The following DLGAP2 variants were observed in gnomAD, a reference collection of about 807,000 sequenced individuals.
DLGAP2 encodes DLG associated protein 2.
DLGAP2 carries 26 observed loss-of-function variants against 100.3 expected under a neutral mutation model. The ratio of observed to expected loss-of-function variants is 0.26; its 90% CI spans 0.19 to 0.36. DLGAP2 has a LOEUF of 0.36. DLGAP2 is among the 10% of genes least tolerant of loss of function. DLGAP2 has a pLI of 1.00. For missense variants in DLGAP2, 1,858 were observed against 1,453.2 expected (o/e 1.28, Z -4.53); for synonymous variants, 886 against 630.1 (o/e 1.41, Z -6.08).
At chr8:1,106,446 G>T (rs1399685263) in intron 2 of DLGAP2, among the ~76,000 whole-genome samples, 7 of 149,948 alleles carry the variant, frequency 4.7e-5, no homozygotes, top group Admixed American at 4.6e-4. Context: ...TCTACTGAAG[G>T]AGGCCATTCA....
chr8:1,237,177 A>G lies in DLGAP2; in HGVS notation c.74-21674A>G, dbSNP rs1239743305. Among the ~76,000 whole-genome samples the G allele has an allele frequency of 8.3e-5, 11 of 132,906 alleles. 1 individual carries two copies. Among genetic ancestry groups the G allele is most frequent in the African/African-American group, 2.2e-4 (7 of 32,226 alleles). 87.2% of individuals were successfully genotyped at this position (132,906 alleles called of 152,430 possible). On this transcript the variant is annotated intron_variant, in intron 2 of 14. Transcript: ENST00000637795. ...ATGGCGCCGTGTCTAGTTCTCTCAC[A>G]TGGCGCCGTGTGTAGTTCTCTCACG...
intron 3 of DLGAP2, among the ~76,000 whole-genome samples, chr8:1,294,892 T>TA (rs1260411264): frequency 1.3e-5 from 2 of 151,818 alleles, no homozygotes; most frequent in East Asian, 3.9e-4. Context: ...ACAAAACTTT[T>TA]TTTTTTAAGT....
At chr8:1,040,615 C>T (rs1368202648) in intron 2 of DLGAP2, among the ~76,000 whole-genome samples, 5 of 141,574 alleles carry the variant, frequency 3.5e-5, no homozygotes, top group Middle Eastern at 3.5e-3. Context: ...GCTCGGTGTG[C>T]GTGGTCGGCT....
intron 4 of DLGAP2, among the ~76,000 whole-genome samples, chr8:1,525,166 C>T (rs995420727): frequency 3.4e-5 from 5 of 148,098 alleles, no homozygotes; most frequent in East Asian, 2.0e-4. Flanking sequence ...AGCAATTCAC[C>T]GGTGTGTCTC....
chr8:873,545 TTCTC>T (rs1237602731), intron 1 of DLGAP2, among the ~76,000 whole-genome samples: 5 of 152,206 alleles, frequency 3.3e-5, no homozygotes, highest in Admixed American at 6.5e-5. Context: ...TACTTTATAA[TTCTC>T]TATATATAAT....
intron 2 of DLGAP2, among the ~76,000 whole-genome samples, chr8:1,132,547 A>G (rs1796315821): frequency 1.3e-5 from 2 of 152,240 alleles, no homozygotes; most frequent in African/African-American, 4.8e-5. Flanking sequence ...TGTAGCATAT[A>G]TGTGTACACC....
intron 6 of DLGAP2, among the ~76,000 whole-genome samples, chr8:1,582,894 G>A (rs1452754260): frequency 6.6e-6 from 1 of 152,150 alleles, no homozygotes; most frequent in East Asian, 1.9e-4. Context: ...TCTGAAAGAA[G>A]AGGGCAGCAG....
intron 3 of DLGAP2, among the ~76,000 whole-genome samples, chr8:1,370,287 C>T (rs372546192): frequency 2.6e-5 from 4 of 152,030 alleles, no homozygotes; most frequent in Admixed American, 1.3e-4. Context: ...AGCAGTTCCC[C>T]GAAGGTCGGC....
intron 2 of DLGAP2, among the ~76,000 whole-genome samples, chr8:1,131,797 T>C (rs983997111): frequency 1.3e-5 from 2 of 152,236 alleles, no homozygotes; most frequent in African/African-American, 4.8e-5. Flanking sequence ...CCAGAATATC[T>C]TTTGAATTCT....
intron 2 of DLGAP2, among the ~76,000 whole-genome samples, chr8:1,162,052 C>T (rs1796902292): frequency 6.6e-6 from 1 of 152,188 alleles, no homozygotes; most frequent in Non-Finnish European, 1.5e-5. Context: ...GAGCCCGGAG[C>T]CTGCGTTTGC....
chr8:1,640,531 A>G (rs995313113), intron 8 of DLGAP2, among the ~76,000 whole-genome samples: 1 of 152,166 alleles, frequency 6.6e-6, no homozygotes, highest in Non-Finnish European at 1.5e-5. Flanking sequence ...CATGATCCCC[A>G]TTAGAACGTC....
intron 3 of DLGAP2, among the ~76,000 whole-genome samples, chr8:1,387,935 G>C (rs886367339): frequency 3.9e-5 from 6 of 152,232 alleles, no homozygotes; most frequent in Non-Finnish European, 8.8e-5. Context: ...CCACAGTTAG[G>C]GTTACGGGTG....
chr8:1,066,521 C>G (rs1427350892), intron 2 of DLGAP2, among the ~76,000 whole-genome samples: 1 of 149,202 alleles, frequency 6.7e-6, no homozygotes, highest in African/African-American at 2.5e-5. Flanking sequence ...AGTTCCCCAC[C>G]ACGGTCAGGT....
intron 1 of DLGAP2, among the ~76,000 whole-genome samples, chr8:783,693 C>G (rs967960630): frequency 1.3e-5 from 2 of 152,112 alleles, no homozygotes; most frequent in African/African-American, 2.4e-5. Flanking sequence ...TCTTTGCCTA[C>G]TGTGTTCTCA....
chr8:971,628 C>T (rs1253121234), intron 2 of DLGAP2, among the ~76,000 whole-genome samples: 2 of 152,196 alleles, frequency 1.3e-5, no homozygotes, highest in Non-Finnish European at 2.9e-5. Flanking sequence ...CTAGGAGCCA[C>T]ACCAGGTTGC....
chr8:1,202,854 T>C (rs1364863740), intron 2 of DLGAP2, among the ~76,000 whole-genome samples: 5 of 152,212 alleles, frequency 3.3e-5, no homozygotes, highest in Non-Finnish European at 7.3e-5. Context: ...AGCCATGTCT[T>C]GTCTGAGCTG....
intron 2 of DLGAP2, among the ~76,000 whole-genome samples, chr8:1,135,647 G>A (rs183704610): frequency 2.5e-4 from 38 of 152,004 alleles, no homozygotes; most frequent in Admixed American, 2.5e-3. Flanking sequence ...CTGCCTTGCG[G>A]CATGTCAGAA....
intron 3 of DLGAP2, among the ~76,000 whole-genome samples, chr8:1,265,460 A>G (rs1490829365): frequency 1.3e-5 from 2 of 152,254 alleles, no homozygotes; most frequent in African/African-American, 4.8e-5. Flanking sequence ...TGCGTGGAAG[A>G]TGGCTTGAGA....
At chr8:1,206,715 A>T (rs1798003228) in intron 2 of DLGAP2, among the ~76,000 whole-genome samples, 1 of 152,106 alleles carries the variant, frequency 6.6e-6, no homozygotes, top group African/African-American at 2.4e-5. Context: ...AGCGCCTGGC[A>T]CAGTCCTTAG....
Sources: gnomAD v4.1 joint callset for allele counts (sites outside exome capture counted in the v4.1 genomes callset) on GRCh38, gnomAD v4.1.1 for gene constraint, MANE v1.5 for transcripts, NCBI Gene and HGNC (gene_info 2026-07-23, HGNC 2026-07-21) for gene names.